Variants in ZNF536 observed in about 807,000 individuals in gnomAD.
The protein encoded by ZNF536 is zinc finger protein 536.
A neutral mutation model predicts 84.5 loss-of-function variants in ZNF536; 13 were observed. The ratio of observed to expected loss-of-function variants is 0.15; its 90% CI spans 0.10 to 0.24. ZNF536 has a LOEUF of 0.24. Among genes scored for constraint, ZNF536 ranks in the 10% least tolerant of loss-of-function variants. The probability of loss-of-function intolerance (pLI) is 1.00; values close to 1 mark genes in which losing one functional copy is unlikely to be tolerated. For missense variants in ZNF536, 1,536 were observed against 1,747.5 expected (o/e 0.88, Z 2.16); for synonymous variants, 811 against 742.5 (o/e 1.09, Z -1.50).
intron 1 of ZNF536, among the ~76,000 whole-genome samples, chr19:30,593,158 C>T (rs964730930): frequency 6.6e-6 from 1 of 152,170 alleles, no homozygotes; most frequent in African/African-American, 2.4e-5. Flanking sequence ...GCCTACCTCG[C>T]TCCGGCCTCT....
intron 1 of ZNF536, among the ~76,000 whole-genome samples, chr19:30,684,175 C>T (rs1179495458): frequency 6.6e-6 from 1 of 152,170 alleles, no homozygotes; most frequent in Non-Finnish European, 1.5e-5. Flanking sequence ...CACTCTGTCA[C>T]CCAGGCTCGA....
Position 30,410,465 on chromosome 19 carries a change from CTTTTTTTTTTTTTTTT to C in ZNF536, c.-2-33084_-2-33069del, listed in dbSNP as rs201561646. ...TAAATAAACAATGAAAAGTGAAGGTCTTTTTTTTTTTTTTTTTTTTTTTTTTTGAGACGGAGTCTCG... is the reference window on the plus strand; with the variant it reads ...TAAATAAACAATGAAAAGTGAAGGTCTTTTTTTTTTTGAGACGGAGTCTCG... On this transcript the variant is annotated intron_variant, in intron 1 of 4. Transcript: ENST00000355537. Among the ~76,000 whole-genome samples the C allele has an allele frequency of 4.1e-5, 5 of 122,632 alleles. No homozygotes were observed. The Admixed American group carries it at 4.2e-4, about 10-fold the overall frequency. The allele number at this position is 122,632 out of a possible 152,430, so 80.5% of individuals were successfully genotyped here. A position where few individuals can be genotyped will look rare whatever the true frequency, so the allele number is the denominator to read the frequency against.
intron 2 of ZNF536, among the ~76,000 whole-genome samples, chr19:30,454,638 C>T (rs2052753833): frequency 1.3e-5 from 2 of 152,206 alleles, no homozygotes; most frequent in South Asian, 4.1e-4. Context: ...TGCTATGTGG[C>T]ATCATAATCC....
intron 1 of ZNF536, among the ~76,000 whole-genome samples, chr19:30,571,080 G>A (rs1165959140): frequency 6.6e-6 from 1 of 152,192 alleles, no homozygotes; most frequent in Non-Finnish European, 1.5e-5. Context: ...TTTGCAGTCA[G>A]TCTCTTTACA....
intron 1 of ZNF536, among the ~76,000 whole-genome samples, chr19:30,440,757 C>T (rs887596277): frequency 3.0e-4 from 45 of 152,186 alleles, no homozygotes; most frequent in African/African-American, 1.0e-3. Context: ...AGAATAAGAA[C>T]AGAGCCAACT....
At chr19:30,395,753 T>C (rs1384214943) in intron 1 of ZNF536, among the ~76,000 whole-genome samples, 2 of 152,264 alleles carry the variant, frequency 1.3e-5, no homozygotes, top group Non-Finnish European at 2.9e-5. Flanking sequence ...ATCACTTTAA[T>C]GCAAGTTAAG....
chr19:30,649,798 C>T (rs1008134854), intron 1 of ZNF536, among the ~76,000 whole-genome samples: 3 of 152,044 alleles, frequency 2.0e-5, no homozygotes, highest in Admixed American at 2.0e-4. Flanking sequence ...ACTGGTTTTC[C>T]ACCTCTCCAA....
intron 2 of ZNF536, among the ~76,000 whole-genome samples, chr19:30,482,575 C>T (rs2054133742): frequency 6.6e-6 from 1 of 151,942 alleles, no homozygotes. Context: ...ACTAATTCCT[C>T]CCTATTAGTT....
chr19:30,344,696 C>A (rs1600307803), intron 2 of ZNF536, among the ~76,000 whole-genome samples: 1 of 151,938 alleles, frequency 6.6e-6, no homozygotes, highest in Non-Finnish European at 1.5e-5. Flanking sequence ...AAAGGCTGGG[C>A]CCATGGTGGC....
intron 1 of ZNF536, among the ~76,000 whole-genome samples, chr19:30,634,772 T>C (rs1039140657): frequency 5.9e-5 from 9 of 152,024 alleles, no homozygotes; most frequent in African/African-American, 2.2e-4. Context: ...GGGATTTTCA[T>C]TTCGGGAGTG....
At chr19:30,389,575 T>A (rs2049494776) in intron 1 of ZNF536, among the ~76,000 whole-genome samples, 1 of 152,138 alleles carries the variant, frequency 6.6e-6, no homozygotes, top group South Asian at 2.1e-4. Flanking sequence ...GTGACACTCA[T>A]CATGGGCCAT....
chr19:30,466,168 A>G (rs986665490), intron 2 of ZNF536, among the ~76,000 whole-genome samples: 2 of 151,782 alleles, frequency 1.3e-5, no homozygotes, highest in African/African-American at 2.4e-5. Context: ...GACTGCAGTG[A>G]GCAATGATCG....
At chr19:30,614,883 C>T (rs1189040314) in intron 1 of ZNF536, among the ~76,000 whole-genome samples, 1 of 146,720 alleles carries the variant, frequency 6.8e-6, no homozygotes, top group African/African-American at 2.5e-5. Context: ...GCATCTATGA[C>T]GTGCTTGCTC....
rs530994257 is a variant in ZNF536, at chr19:30,286,275, G to C, written c.-120+2134G>C. Among the ~76,000 whole-genome samples the C allele has an allele frequency of 3.3e-5, 5 of 152,328 alleles. No individual in the cohort carries two copies. In the South Asian group the frequency reaches 8.3e-4, roughly 25 times the overall value. On this transcript the variant is annotated intron_variant, in intron 2 of 5. Transcript: ENST00000585628. The stretch of plus-strand genomic sequence containing the variant: ...CAAACAATTACACGCTCAAATCAAA[G>C]TGGGAAGTTTTGTCCTTCTATCTCG...
At chr19:30,379,233 T>C (rs190724026) in intron 1 of ZNF536, among the ~76,000 whole-genome samples, 207 of 152,276 alleles carry the variant, frequency 1.4e-3, no homozygotes, top group East Asian at 6.2e-3. Flanking sequence ...CCACTTTTGT[T>C]TGTGAGGGTC....
At chr19:30,563,791 C>T (rs2046257933) in intron 1 of ZNF536, among the ~76,000 whole-genome samples, 1 of 152,104 alleles carries the variant, frequency 6.6e-6, no homozygotes, top group South Asian at 2.1e-4. Context: ...GGGAGAGGTG[C>T]TGGGCGTGAC....
chr19:30,253,087 C>A lies in ZNF536; in HGVS notation c.-190+24414C>A, dbSNP rs1171236364. ...GCTCATTCCAGTTGGAACCATCACC[C>A]TTTAGGCAAATCTTTACCCCTTGGA... On this transcript the variant is annotated intron_variant, in intron 1 of 5. Transcript: ENST00000585628. Among the ~76,000 whole-genome samples the A allele has an allele frequency of 3.0e-4, 46 of 152,194 alleles. 1 individual carries two copies.
chr19:30,706,882 G>A (rs2052258222), intron 1 of ZNF536, among the ~76,000 whole-genome samples: 1 of 152,170 alleles, frequency 6.6e-6, no homozygotes, highest in South Asian at 2.1e-4. Context: ...AGAAAATACA[G>A]TCCATTTCAG....
chr19:30,593,114 C>G (rs1298933847), intron 1 of ZNF536, among the ~76,000 whole-genome samples: 1 of 152,116 alleles, frequency 6.6e-6, no homozygotes, highest in Non-Finnish European at 1.5e-5. Context: ...TGTGTGAAAA[C>G]CATCAAACTG....
Sources: gnomAD v4.1 joint callset for allele counts (sites outside exome capture counted in the v4.1 genomes callset) on GRCh38, gnomAD v4.1.1 for gene constraint, MANE v1.5 for transcripts, NCBI Gene and HGNC (gene_info 2026-07-23, HGNC 2026-07-21) for gene names.